The following ANKRD18A variants were observed in gnomAD, a reference collection of about 807,000 sequenced individuals.
The protein encoded by ANKRD18A is ankyrin repeat domain 18A.
In ANKRD18A, 72 loss-of-function variants were observed where a neutral mutation model predicts 110.6. That is an observed-to-expected ratio of 0.65 (90% CI 0.54 to 0.79). The LOEUF (loss-of-function observed/expected upper bound fraction) is 0.79, where lower values mean the gene tolerates loss of function less well. Among genes scored for constraint, ANKRD18A ranks in the 30% least tolerant of loss-of-function variants. The pLI is 0.00. For synonymous variants in ANKRD18A, 305 were observed against 410.3 expected (o/e 0.74, Z 3.10); for missense variants, 934 against 1,163.3 (o/e 0.80, Z 2.87).
chr9:38,612,403 A>C (rs1225613091), intron 3 of ANKRD18A, among the ~76,000 whole-genome samples: 2 of 152,114 alleles, frequency 1.3e-5, no homozygotes, highest in South Asian at 2.1e-4. Context: ...TACTTTAGGC[A>C]AAATATAAAT....
At chr9:38,573,159 T>C (rs1823727127) in intron 15 of ANKRD18A, 2 of 1,113,388 alleles carry the variant, frequency 1.8e-6, no homozygotes, top group Admixed American at 3.6e-5. Context: ...ATAATAATAA[T>C]GTTTAAGTTA....
intron 10 of ANKRD18A, among the ~76,000 whole-genome samples, 157 bp downstream of exon 10, chr9:38,593,603 A>G (rs1824747836): frequency 6.6e-6 from 1 of 152,244 alleles, no homozygotes; most frequent in African/African-American, 2.4e-5. Context: ...AACAAGAGCC[A>G]GAGTTGAAGA....
chr9:38,603,413 G>A (rs961781403), intron 6 of ANKRD18A, among the ~76,000 whole-genome samples: 4 of 152,048 alleles, frequency 2.6e-5, no homozygotes, highest in African/African-American at 9.7e-5. Flanking sequence ...AATAACTATA[G>A]GCTCCCAGGT....
chr9:38,586,400 C>T, intron 11 of ANKRD18A, 88 bp from the exon 12 acceptor site: 1 of 1,184,950 alleles, frequency 8.4e-7, no homozygotes, highest in Non-Finnish European at 1.2e-6. Context: ...TATGGCATAT[C>T]AAAGAAACAA....
At chr9:38,597,373 G>T (rs1335593959) in intron 8 of ANKRD18A, among the ~76,000 whole-genome samples, 1 of 152,126 alleles carries the variant, frequency 6.6e-6, no homozygotes, top group Non-Finnish European at 1.5e-5. Context: ...ACAAGGAGCC[G>T]AGTGAAACTG....
chr9:38,600,349 C>T (rs1825067723), intron 8 of ANKRD18A, among the ~76,000 whole-genome samples: 1 of 152,060 alleles, frequency 6.6e-6, no homozygotes, highest in African/African-American at 2.4e-5. Flanking sequence ...TAGGCAAATG[C>T]TAAATTATTA....
chr9:38,595,840 C>A lies in ANKRD18A; in HGVS notation c.1500G>T (p.Lys500Asn). Residue 500 changes from lysine to asparagine, a missense_variant, in exon 9 of 16, where the codon AAG becomes AAT. Coordinates refer to ENST00000399703, the MANE Select transcript of ANKRD18A (RefSeq NM_147195.4). ...LRETRDALREKTLALGSVQLD... is the reference protein window; with the variant it reads ...LRETRDALRENTLALGSVQLD... ...GCTGTACACTTCCTAAAGCCAATGT[C>A]TTTTCCCTGAGAGCATCTCTTGTCT... 3 of 1,551,298 alleles carry A rather than the reference C, an allele frequency of 1.9e-6. No homozygotes were observed. Among genetic ancestry groups the A allele is most frequent in the Non-Finnish European group, 2.6e-6 (3 of 1,146,684 alleles).
intron 10 of ANKRD18A, among the ~76,000 whole-genome samples, chr9:38,592,803 TC>T: frequency 6.6e-6 from 1 of 152,228 alleles, no homozygotes; most frequent in South Asian, 2.1e-4. Context: ...CTGAAAACAT[TC>T]TGCTAAGTGA....
chr9:38,586,049 G>A (rs1288915716), intron 12 of ANKRD18A, 134 bp downstream of exon 12: 43 of 974,774 alleles, frequency 4.4e-5, no homozygotes, highest in Middle Eastern at 3.4e-4. Context: ...TAATGCCTAC[G>A]GGGCTTAATA....
At chr9:38,607,011 CAT>C (rs1487218237) in intron 6 of ANKRD18A, among the ~76,000 whole-genome samples, 2 of 151,872 alleles carry the variant, frequency 1.3e-5, no homozygotes, top group Non-Finnish European at 2.9e-5. Context: ...TATATATAAA[CAT>C]ATATATTTTA....
chr9:38,615,811 T>A, intron 2 of ANKRD18A, 44 bp from the exon 3 acceptor site: 1 of 1,577,064 alleles, frequency 6.3e-7, no homozygotes, highest in Non-Finnish European at 8.6e-7. Flanking sequence ...TTCTAAGAAT[T>A]CAAAATACAT....
At chr9:38,583,389 C>G (rs1349666640) in intron 12 of ANKRD18A, among the ~76,000 whole-genome samples, 1 of 152,048 alleles carries the variant, frequency 6.6e-6, no homozygotes, top group Non-Finnish European at 1.5e-5. Flanking sequence ...AGCATTATTA[C>G]TATATTTTTT....
At chr9:38,591,133 T>G (rs1189493304) in intron 10 of ANKRD18A, among the ~76,000 whole-genome samples, 23 of 130,654 alleles carry the variant, frequency 1.8e-4, no homozygotes, top group Admixed American at 1.7e-3. Flanking sequence ...AGCTGTTTAA[T>G]TTTTTTTTTT....
intron 9 of ANKRD18A, among the ~76,000 whole-genome samples, chr9:38,594,600 G>T (rs1824795624): frequency 6.6e-6 from 1 of 152,100 alleles, no homozygotes. Context: ...ACAAGTAGAA[G>T]TCTTTAAAAT....
At chr9:38,573,653 T>G (rs530374310) in intron 15 of ANKRD18A, among the ~76,000 whole-genome samples, 1 of 151,788 alleles carries the variant, frequency 6.6e-6, no homozygotes, top group Non-Finnish European at 1.5e-5. Flanking sequence ...AGGTGGAGGT[T>G]GCAGTGAGCC....
At chr9:38,588,240 G>A (rs1378710318) in intron 11 of ANKRD18A, among the ~76,000 whole-genome samples, 6 of 151,810 alleles carry the variant, frequency 4.0e-5, no homozygotes, top group African/African-American at 1.2e-4. Context: ...CTTCCACCCC[G>A]TTTCTCCCCT....
rs1587549022 is a variant in ANKRD18A, at chr9:38,615,981, T to C, written c.270A>G (p.Arg90=). Residue 90 remains arginine, a synonymous_variant, in exon 2 of 16, where the codon AGA becomes AGG. Coordinates refer to ENST00000399703, the MANE Select transcript of ANKRD18A (RefSeq NM_147195.4). ...TGTCACAGATGTCGATCTGGCATCTTCTGTGCAGCAAGAGAGTGACCACTT... is the reference window on the plus strand; with the variant it reads ...TGTCACAGATGTCGATCTGGCATCTCCTGTGCAGCAAGAGAGTGACCACTT... ...RVQVVTLLLH[R]RCQIDICDRL... is the part of the protein sequence containing the mutation. The C allele has an allele frequency of 6.3e-7, 1 of 1,592,208 alleles. No homozygotes were observed. The highest frequency in any genetic ancestry group is 8.6e-7 in the Non-Finnish European group (1 of 1,168,402).
chr9:38,615,831 G>T, intron 2 of ANKRD18A, 64 bp from the exon 3 acceptor site: 1 of 1,545,840 alleles, frequency 6.5e-7, no homozygotes, highest in Non-Finnish European at 8.7e-7. Context: ...TATTCCACAG[G>T]TTTCACCAAC....
At chr9:38,574,195 G>C (rs1297075380) in intron 15 of ANKRD18A, among the ~76,000 whole-genome samples, 1 of 152,174 alleles carries the variant, frequency 6.6e-6, no homozygotes, top group Non-Finnish European at 1.5e-5. Context: ...TAGGATAGTG[G>C]ATTCCAGCTG....
Sources: gnomAD v4.1 joint callset for allele counts (sites outside exome capture counted in the v4.1 genomes callset) on GRCh38, gnomAD v4.1.1 for gene constraint, MANE v1.5 for transcripts, NCBI Gene and HGNC (gene_info 2026-07-23, HGNC 2026-07-21) for gene names.